Variants in FHIT observed in about 807,000 individuals in gnomAD.
FHIT encodes the protein bis(5'-adenosyl)-triphosphatase.
Under a neutral mutation model 17.9 loss-of-function variants are expected in FHIT, and 19 were observed. The ratio of observed to expected loss-of-function variants is 1.06; its 90% CI spans 0.74 to 1.56. The LOEUF is 1.56. Ranked by LOEUF, FHIT falls within the 40% of genes most tolerant of loss-of-function variation. The pLI, the probability that FHIT is intolerant of heterozygous loss-of-function variation, is 0.00. For synonymous variants in FHIT, 81 were observed against 69.7 expected (o/e 1.16, Z -0.81); for missense variants, 248 against 189.2 (o/e 1.31, Z -1.82).
intron 7 of FHIT, among the ~76,000 whole-genome samples, chr3:60,005,242 A>C (rs1394343225): frequency 3.3e-5 from 5 of 152,212 alleles, no homozygotes; most frequent in African/African-American, 1.2e-4. Context: ...GAGCTTGGTT[A>C]ATTTTTCTTT....
chr3:60,800,625 C>G (rs1049429668), intron 4 of FHIT, among the ~76,000 whole-genome samples: 1 of 152,090 alleles, frequency 6.6e-6, no homozygotes, highest in Non-Finnish European at 1.5e-5. Context: ...GAAATGGGTA[C>G]GCTTGTACAA....
chr3:60,534,435 G>A (rs1256988059), intron 5 of FHIT, among the ~76,000 whole-genome samples: 13 of 10,554 alleles, frequency 1.2e-3, no homozygotes, highest in South Asian at 8.8e-3. Flanking sequence ...GCGAGACTCC[G>A]TCTCAAAAAA....
chr3:59,819,186 C>G (rs1158942306), intron 8 of FHIT, among the ~76,000 whole-genome samples: 1 of 152,184 alleles, frequency 6.6e-6, no homozygotes, highest in Non-Finnish European at 1.5e-5. Flanking sequence ...AGAAACCGTT[C>G]TTTTCTTACA....
intron 4 of FHIT, among the ~76,000 whole-genome samples, chr3:60,664,884 T>C (rs1436370614): frequency 1.1e-4 from 17 of 151,988 alleles, no homozygotes; most frequent in African/African-American, 3.4e-4. Flanking sequence ...TAGTAGTTTA[T>C]CAATTGTATT....
rs913270995 is a variant in FHIT at position 61,036,956 on chromosome 3, G to C, written c.-111+5091C>G. 2.8e-5 allele frequency among the ~76,000 whole-genome samples: 4 copies of C among 144,234 alleles called. No individual in the cohort carries two copies. In the Admixed American group the frequency reaches 2.8e-4, roughly 10 times the overall value. The allele number at this position is 144,234 out of a possible 152,430, so 94.6% of individuals were successfully genotyped here. On this transcript the variant is annotated intron_variant, in intron 3 of 9. Coordinates refer to ENST00000492590, the MANE Select transcript of FHIT (RefSeq NM_002012.4). ...AGATGGAGTCTCGCTCTTTCGCCTA[G>C]GCCGGAGTGCAGTGGCACTATCTCC...
intron 5 of FHIT, among the ~76,000 whole-genome samples, chr3:60,249,039 G>C (rs576287253): frequency 4.5e-4 from 69 of 152,144 alleles, no homozygotes; most frequent in African/African-American, 1.6e-3. Flanking sequence ...AAGCATCTAG[G>C]TTTTGCCATT....
chr3:61,129,627 C>G (rs1212294362), intron 2 of FHIT, among the ~76,000 whole-genome samples: 3 of 152,162 alleles, frequency 2.0e-5, no homozygotes, highest in African/African-American at 7.2e-5. Flanking sequence ...AATACAAATT[C>G]AAAGCAAGAT....
At chr3:60,585,419 T>G (rs1350844003) in intron 4 of FHIT, among the ~76,000 whole-genome samples, 2 of 152,078 alleles carry the variant, frequency 1.3e-5, no homozygotes, top group Admixed American at 1.3e-4. Flanking sequence ...TAGTCACCCT[T>G]AAGTTATTCA....
At chr3:60,069,570 T>C (rs1030340246) in intron 5 of FHIT, among the ~76,000 whole-genome samples, 1 of 152,244 alleles carries the variant, frequency 6.6e-6, no homozygotes, top group African/African-American at 2.4e-5. Context: ...GAGACTCATA[T>C]ATTTTAAAGA....
intron 4 of FHIT, among the ~76,000 whole-genome samples, chr3:60,644,909 C>T (rs1307862968): frequency 6.6e-6 from 1 of 152,184 alleles, no homozygotes; most frequent in African/African-American, 2.4e-5. Context: ...AGGGCTCCTC[C>T]TTGTGCTAGT....
intron 7 of FHIT, among the ~76,000 whole-genome samples, chr3:59,952,120 C>T (rs2107310655): frequency 6.6e-6 from 1 of 152,272 alleles, no homozygotes; most frequent in Admixed American, 6.5e-5. Context: ...CTTCTATATC[C>T]AGTCAATTTC....
At chr3:60,831,601 A>G (rs1553742538) in intron 3 of FHIT, among the ~76,000 whole-genome samples, 1 of 152,248 alleles carries the variant, frequency 6.6e-6, no homozygotes, top group Admixed American at 6.5e-5. Context: ...GACTTAGTTC[A>G]TATTTACAAT....
intron 4 of FHIT, among the ~76,000 whole-genome samples, chr3:60,743,846 G>C (rs1309594535): frequency 6.6e-6 from 1 of 152,194 alleles, no homozygotes; most frequent in Non-Finnish European, 1.5e-5. Flanking sequence ...CTCTTTCACG[G>C]GGTTTTTTTG....
chr3:59,891,723 T>A (rs1267260974), intron 8 of FHIT, among the ~76,000 whole-genome samples: 2 of 152,164 alleles, frequency 1.3e-5, no homozygotes, highest in Non-Finnish European at 2.9e-5. Context: ...GGTGTGCCCT[T>A]GCTTTATAAA....
chr3:60,047,600 G>C (rs1415652609), intron 5 of FHIT, among the ~76,000 whole-genome samples: 1 of 152,196 alleles, frequency 6.6e-6, no homozygotes, highest in Non-Finnish European at 1.5e-5. Context: ...TTCCTCAGGT[G>C]CATTAGGCAT....
chr3:60,847,420 T>A (rs1336756385), intron 3 of FHIT, among the ~76,000 whole-genome samples: 7 of 151,890 alleles, frequency 4.6e-5, no homozygotes, highest in Non-Finnish European at 1.0e-4. Flanking sequence ...CAGAAGCACT[T>A]CTTTATGCTT....
At chr3:60,458,452 G>C (rs140570875) in intron 5 of FHIT, among the ~76,000 whole-genome samples, 1,790 of 139,552 alleles carry the variant, frequency 0.013, 11 homozygotes, top group Middle Eastern at 0.022. Flanking sequence ...GTGGGGGGAG[G>C]GGGGAGGGAT....
chr3:60,704,560 A>C (rs376728044), intron 4 of FHIT, among the ~76,000 whole-genome samples: 13 of 152,292 alleles, frequency 8.5e-5, no homozygotes, highest in East Asian at 3.9e-4. Flanking sequence ...ATGACATTTC[A>C]AGGGGTTATT....
At chr3:60,293,396 G>C (rs1449461533) in intron 5 of FHIT, among the ~76,000 whole-genome samples, 1 of 145,498 alleles carries the variant, frequency 6.9e-6, no homozygotes, top group Non-Finnish European at 1.5e-5. Context: ...AGCTAAACAA[G>C]AAAAGAAGAG....
Sources: gnomAD v4.1 joint callset for allele counts (sites outside exome capture counted in the v4.1 genomes callset) on GRCh38, gnomAD v4.1.1 for gene constraint, MANE v1.5 for transcripts, NCBI Gene and HGNC (gene_info 2026-07-23, HGNC 2026-07-21) for gene names.